Variants in TANC1 observed in about 807,000 individuals in gnomAD.
TANC1 encodes the protein tetratricopeptide repeat, ankyrin repeat and coiled-coil containing 1, also known as protein TANC1.
TANC1 carries 77 observed loss-of-function variants against 149.7 expected under a neutral mutation model. That is an observed-to-expected ratio of 0.51 (90% confidence interval 0.43 to 0.62). TANC1 has a LOEUF of 0.62. TANC1 is among the 20% of genes least tolerant of loss of function. The pLI is 0.00. For synonymous variants in TANC1, 854 were observed against 925.0 expected, an observed-to-expected ratio of 0.92 and a Z score of 1.39; for missense variants, 1,985 against 2,321.8, an observed-to-expected ratio of 0.85 and a Z score of 2.98.
intron 24 of TANC1, 161 bp from the exon 25 acceptor site, chr2:159,227,658 G>C: frequency 1.4e-6 from 1 of 711,744 alleles, no homozygotes; most frequent in Non-Finnish European, 2.3e-6. Flanking sequence ...TGCCAGCCCA[G>C]TTAGTGAACT....
At chr2:159,199,317 T>C (rs1464905356) in intron 19 of TANC1, among the ~76,000 whole-genome samples, 1 of 152,254 alleles carries the variant, frequency 6.6e-6, no homozygotes, top group Non-Finnish European at 1.5e-5. Flanking sequence ...GAATGTCAGA[T>C]GGAAGTACCT....
chr2:159,007,296 G>A (rs748321321), intron 2 of TANC1, among the ~76,000 whole-genome samples: 18 of 152,054 alleles, frequency 1.2e-4, no homozygotes, highest in Non-Finnish European at 1.9e-4. Flanking sequence ...ACAGGCTTGC[G>A]CCACCACAAC....
chr2:159,221,938 C>A (rs1017839869), intron 22 of TANC1, among the ~76,000 whole-genome samples: 4 of 152,180 alleles, frequency 2.6e-5, no homozygotes, highest in African/African-American at 9.7e-5. Context: ...ATGAGAGTTA[C>A]CAGTTTCCAA....
intron 14 of TANC1, 41 bp downstream of exon 14, chr2:159,179,204 C>G (rs73002953): frequency 6.4e-7 from 1 of 1,570,506 alleles, no homozygotes; most frequent in African/African-American, 1.4e-5. Flanking sequence ...CAGGGAATCT[C>G]GTGTGCAGTT....
At chr2:159,102,208 G>GA (rs900533105) in intron 4 of TANC1, among the ~76,000 whole-genome samples, 4 of 151,894 alleles carry the variant, frequency 2.6e-5, no homozygotes, top group African/African-American at 4.8e-5. Flanking sequence ...CTAGTCTTTT[G>GA]AAAAAAATCT....
At chr2:159,071,555 A>C (rs547967009) in intron 3 of TANC1, among the ~76,000 whole-genome samples, 2 of 152,320 alleles carry the variant, frequency 1.3e-5, no homozygotes, top group African/African-American at 4.8e-5. Flanking sequence ...TTTGAATTTC[A>C]AGTAGAAGGA....
intron 1 of TANC1, among the ~76,000 whole-genome samples, chr2:158,979,110 C>G (rs545165421): frequency 7.9e-5 from 12 of 152,270 alleles, no homozygotes; most frequent in Non-Finnish European, 1.0e-4. Flanking sequence ...GTGAAACTTT[C>G]ACCTGTGGAG....
intron 2 of TANC1, among the ~76,000 whole-genome samples, chr2:159,054,280 G>A (rs1237587270): frequency 6.6e-6 from 1 of 152,228 alleles, no homozygotes; most frequent in Non-Finnish European, 1.5e-5. Context: ...GAGATTAACA[G>A]TACCTTCCTC....
rs1372284391 is a variant in TANC1 at position 159,227,956 on chromosome 2, A to G, written c.4041A>G (p.Arg1347=). The G allele has an allele frequency of 6.2e-7, 1 of 1,612,650 alleles. No individual in the cohort carries two copies. The highest frequency in any genetic ancestry group is 8.5e-7 in the Non-Finnish European group (1 of 1,179,702). The part of the protein sequence containing the change: ...SLYLNLSRCR[R]KTNDFGMAEE... ...ATCTCAATTTGTCGCGATGCCGAAG[A>G]AAAACAAATGTAAGCTGTGCCCCTT... Residue 1347 remains arginine (R), a synonymous_variant, in exon 25 of 27, where the codon AGA becomes AGG. Coordinates refer to ENST00000263635, the MANE Select transcript of TANC1 (RefSeq NM_033394.3).
rs62174278 is a variant in TANC1, at chr2:159,033,786, T to A, written c.-15-32110T>A. Among the ~76,000 whole-genome samples the A allele has an allele frequency of 7.8e-3, 1,191 of 152,326 alleles. 2 individuals carry two copies. Among genetic ancestry groups the A allele is most frequent in the Middle Eastern group, 0.014 (4 of 294 alleles). ...GCCTCTGTCACATCTGAAAACATCATGATGCTCATGAAATCAAGGTCACAT... is the reference window on the plus strand; with the variant it reads ...GCCTCTGTCACATCTGAAAACATCAAGATGCTCATGAAATCAAGGTCACAT... On this transcript the variant is annotated intron_variant, in intron 2 of 26. Coordinates refer to ENST00000263635, the MANE Select transcript of TANC1 (RefSeq NM_033394.3).
intron 5 of TANC1, among the ~76,000 whole-genome samples, chr2:159,140,201 G>T (rs2051203397): frequency 6.6e-6 from 1 of 150,706 alleles, no homozygotes; most frequent in South Asian, 2.1e-4. Flanking sequence ...CAGCCTGGGA[G>T]ACAGAGTGAG....
At chr2:158,978,364 G>C (rs1158173832) in intron 1 of TANC1, among the ~76,000 whole-genome samples, 1 of 152,186 alleles carries the variant, frequency 6.6e-6, no homozygotes, top group African/African-American at 2.4e-5. Flanking sequence ...CCAGGATTCA[G>C]ACCTGGAAAA....
rs536258727 is a variant in TANC1, at chr2:159,130,765, C to T, written c.260-5429C>T. On this transcript the variant is annotated intron_variant, in intron 4 of 26. Coordinates refer to ENST00000263635, the MANE Select transcript of TANC1 (RefSeq NM_033394.3). ...AGAGACAGGGTTGGCACAATCATAGCTCATTGCAGCCTCGAACTCCTGGGC... is the reference window on the plus strand; with the variant it reads ...AGAGACAGGGTTGGCACAATCATAGTTCATTGCAGCCTCGAACTCCTGGGC... 2.8e-4 allele frequency among the ~76,000 whole-genome samples: 42 copies of T among 152,238 alleles called. No individual in the cohort carries two copies. In the South Asian group the frequency reaches 8.7e-3, roughly 32 times the overall value.
At chr2:159,079,878 C>T (rs2044082352) in intron 3 of TANC1, among the ~76,000 whole-genome samples, 1 of 152,160 alleles carries the variant, frequency 6.6e-6, no homozygotes. Flanking sequence ...ATCCTTTTGC[C>T]CCTATTTTTG....
chr2:159,086,736 G>GA (rs1328717668), intron 3 of TANC1, among the ~76,000 whole-genome samples: 4 of 152,014 alleles, frequency 2.6e-5, no homozygotes, highest in Admixed American at 6.6e-5. Flanking sequence ...AAAGGAAGGG[G>GA]AAAAAACCGT....
At chr2:158,980,196 A>T (rs2149212374) in intron 1 of TANC1, among the ~76,000 whole-genome samples, 1 of 152,322 alleles carries the variant, frequency 6.6e-6, no homozygotes, top group African/African-American at 2.4e-5. Flanking sequence ...AGGACTTTTG[A>T]GCACCCTTAG....
At chr2:159,071,970 T>A (rs2043192398) in intron 3 of TANC1, among the ~76,000 whole-genome samples, 1 of 152,154 alleles carries the variant, frequency 6.6e-6, no homozygotes, top group South Asian at 2.1e-4. Flanking sequence ...GGGACTTCTG[T>A]GTTTTTTTGT....
intron 2 of TANC1, among the ~76,000 whole-genome samples, chr2:159,020,181 G>A (rs1213375044): frequency 1.3e-5 from 2 of 152,062 alleles, no homozygotes; most frequent in Non-Finnish European, 2.9e-5. Flanking sequence ...GCAGTGGCAC[G>A]ATCTCAGCTC....
At chr2:159,226,241 C>T (rs753462698) in intron 24 of TANC1, 4 of 175,472 alleles carry the variant, frequency 2.3e-5, no homozygotes, top group Non-Finnish European at 4.7e-5. Flanking sequence ...AATATCTTTC[C>T]GGCAGAATCT....
Sources: allele counts gnomAD v4.1 joint callset (sites outside exome capture counted in the v4.1 genomes callset), GRCh38; gene constraint gnomAD v4.1.1; transcripts MANE v1.5; gene names NCBI Gene and HGNC (gene_info 2026-07-23, HGNC 2026-07-21).